The following NXPH2 variants were observed in gnomAD, a reference collection of about 807,000 sequenced individuals.
NXPH2 encodes the protein neurexophilin-2.
A neutral mutation model predicts 19.8 loss-of-function variants in NXPH2; 5 were observed. The ratio of observed to expected loss-of-function variants is 0.25; its 90% CI spans 0.13 to 0.53. NXPH2 has a LOEUF of 0.53. NXPH2 is among the 20% of genes least tolerant of loss of function. The pLI, the probability that NXPH2 is intolerant of heterozygous loss-of-function variation, is 0.96. For synonymous variants in NXPH2, 154 were observed against 127.4 expected (o/e 1.21, Z -1.41); for missense variants, 289 against 322.8 (o/e 0.90, Z 0.80).
At chr2:138,692,255 T>C (rs1680757394) in intron 1 of NXPH2, among the ~76,000 whole-genome samples, 1 of 152,188 alleles carries the variant, frequency 6.6e-6, no homozygotes, top group African/African-American at 2.4e-5. Context: ...CAATCCCTGA[T>C]TTTTCCTGAA....
intron 1 of NXPH2, among the ~76,000 whole-genome samples, chr2:138,684,212 G>A (rs551195992): frequency 5.3e-5 from 8 of 152,268 alleles, no homozygotes; most frequent in African/African-American, 1.9e-4. Flanking sequence ...CAAGTATTGA[G>A]AGGCAGCAAT....
intron 1 of NXPH2, among the ~76,000 whole-genome samples, chr2:138,776,797 C>T (rs902279720): frequency 6.6e-6 from 1 of 151,866 alleles, no homozygotes; most frequent in African/African-American, 2.4e-5. Flanking sequence ...TAAATAGAAT[C>T]ATCAGACTAA....
At chr2:138,684,926 G>A (rs1242923137) in intron 1 of NXPH2, among the ~76,000 whole-genome samples, 1 of 152,182 alleles carries the variant, frequency 6.6e-6, no homozygotes, top group African/African-American at 2.4e-5. Flanking sequence ...AAATTCATGG[G>A]AGTTTAACCC....
rs769646515 is a variant in NXPH2 at position 138,671,308 on chromosome 2, G to T, written c.409C>A (p.His137Asn). 6 of 1,613,584 alleles carry T rather than the reference G, an allele frequency of 3.7e-6. No individual in the cohort carries two copies. The highest frequency in any genetic ancestry group is 5.1e-6 in the Non-Finnish European group (6 of 1,179,782). The change falls in exon 2 of 2, where the codon CAT becomes AAT. Residue 137 changes from histidine to asparagine, a missense_variant. Physicochemically the swap from His to Asn is moderately conservative, Grantham distance 68 (BLOSUM62 1). Coordinates refer to ENST00000272641, the MANE Select transcript of NXPH2 (RefSeq NM_007226.3). ...NLLITGKIVD[H>N]GNGTFSVYFR... is the part of the protein sequence containing the mutation. ...TACACACTGAAGGTTCCATTTCCAT[G>T]GTCAACAATTTTCCCTGTGATGAGG...
chr2:138,754,431 T>C (rs1319172173), intron 1 of NXPH2, among the ~76,000 whole-genome samples: 2 of 152,230 alleles, frequency 1.3e-5, no homozygotes, highest in African/African-American at 4.8e-5. Context: ...TAATTGGAAT[T>C]AGAAAGTGTG....
chr2:138,721,194 A>C (rs1186409102), intron 1 of NXPH2, among the ~76,000 whole-genome samples: 1 of 152,124 alleles, frequency 6.6e-6, no homozygotes, highest in Non-Finnish European at 1.5e-5. Context: ...TGCAAAAATT[A>C]GCCAGACGTG....
chr2:138,765,570 T>C (rs1449366551), intron 1 of NXPH2, among the ~76,000 whole-genome samples: 1 of 152,194 alleles, frequency 6.6e-6, no homozygotes, highest in East Asian at 1.9e-4. Flanking sequence ...ATGCCATTTA[T>C]AAAAATAGAG....
intron 1 of NXPH2, among the ~76,000 whole-genome samples, chr2:138,777,854 A>AT (rs56164035): frequency 7.3e-6 from 1 of 137,538 alleles, no homozygotes; most frequent in Non-Finnish European, 1.6e-5. Flanking sequence ...AAAAAAAAAA[A>AT]GCCTTATGTC....
At chr2:138,714,507 T>G (rs984102637) in intron 1 of NXPH2, among the ~76,000 whole-genome samples, 25 of 152,168 alleles carry the variant, frequency 1.6e-4, no homozygotes, top group South Asian at 6.2e-4. Context: ...AAAGTCTTTT[T>G]GAAGGTTATA....
At chr2:138,763,692 G>A (rs1024923969) in intron 1 of NXPH2, among the ~76,000 whole-genome samples, 1 of 152,090 alleles carries the variant, frequency 6.6e-6, no homozygotes, top group African/African-American at 2.4e-5. Context: ...TTGTCCCAAA[G>A]GATCTTTATG....
At chr2:138,767,577 C>T (rs1682111127) in intron 1 of NXPH2, among the ~76,000 whole-genome samples, 1 of 152,144 alleles carries the variant, frequency 6.6e-6, no homozygotes, top group South Asian at 2.1e-4. Context: ...TTTTCCTCTT[C>T]TGTCCTTCAT....
At chr2:138,691,192 T>A (rs1197344887) in intron 1 of NXPH2, among the ~76,000 whole-genome samples, 1 of 152,174 alleles carries the variant, frequency 6.6e-6, no homozygotes, top group Non-Finnish European at 1.5e-5. Context: ...AGGAAAAAAT[T>A]AATAAGTACT....
intron 1 of NXPH2, among the ~76,000 whole-genome samples, chr2:138,692,048 G>T (rs1358175386): frequency 6.6e-6 from 1 of 152,186 alleles, no homozygotes; most frequent in Non-Finnish European, 1.5e-5. Context: ...ACAATGTACA[G>T]GTGCTAAAGA....
intron 1 of NXPH2, among the ~76,000 whole-genome samples, chr2:138,690,725 GA>G (rs35965021): frequency 0.25 from 38,774 of 152,224 alleles, 6,133 homozygotes; most frequent in Non-Finnish European, 0.36. Context: ...ATACTTGGGG[GA>G]CACCCCCATA....
chr2:138,700,478 GA>G (rs1680903048), intron 1 of NXPH2, among the ~76,000 whole-genome samples: 1 of 152,148 alleles, frequency 6.6e-6, no homozygotes, highest in South Asian at 2.1e-4. Flanking sequence ...TTTCTGAAAG[GA>G]AAAAAGAGAA....
At position 138,765,275 on chromosome 2, in the gene NXPH2, T is replaced by C. The variant is rs535219618; in HGVS notation, c.51+14916A>G. 3.3e-5 allele frequency among the ~76,000 whole-genome samples: 5 copies of C among 152,302 alleles called. No individual in the cohort carries two copies. In the South Asian group the frequency reaches 1.0e-3, roughly 32 times the overall value. ...TATGTGCAGGTTCATTCTCCATATA[T>C]ATAAAGGGATTGAGCAGCAGCCCAG... On this transcript the variant is annotated intron_variant, in intron 1 of 1. Transcript: ENST00000272641.
chr2:138,682,671 C>A (rs1680595727), intron 1 of NXPH2, among the ~76,000 whole-genome samples: 1 of 152,126 alleles, frequency 6.6e-6, no homozygotes, highest in Admixed American at 6.6e-5. Flanking sequence ...TTACGTTATT[C>A]TAAATTGATA....
rs184184855 is a variant in NXPH2 at position 138,731,134 on chromosome 2, C to T, written c.51+49057G>A. 2.4e-3 allele frequency among the ~76,000 whole-genome samples: 367 copies of T among 152,284 alleles called. 1 individual carries two copies. Among genetic ancestry groups the T allele is most frequent in the Middle Eastern group, 0.01 (3 of 294 alleles). On this transcript the variant is annotated intron_variant, in intron 1 of 1. Transcript: ENST00000272641. ...CTTTTTATTTATTCAGTTTCTGCTG[C>T]CTCCATTGTGCTGCTTGCTTTTTTA...
chr2:138,673,346 T>A (rs1465519433), intron 1 of NXPH2, among the ~76,000 whole-genome samples: 2 of 152,216 alleles, frequency 1.3e-5, no homozygotes, highest in African/African-American at 2.4e-5. Context: ...ATACTGTAAC[T>A]ACAGCTTTCT....
Sources: allele counts gnomAD v4.1 joint callset (sites outside exome capture counted in the v4.1 genomes callset), GRCh38; gene constraint gnomAD v4.1.1; transcripts MANE v1.5; gene names NCBI Gene and HGNC (gene_info 2026-07-23, HGNC 2026-07-21).